PTPRC: variants seen among roughly 807,000 people sequenced by gnomAD.
PTPRC encodes the protein protein tyrosine phosphatase receptor type C.
A neutral mutation model predicts 155.9 loss-of-function variants in PTPRC; 44 were observed. The observed-to-expected ratio is 0.28, with a 90% CI of 0.22 to 0.36. PTPRC has a LOEUF of 0.36. Ranked by LOEUF, PTPRC falls within the 10% of genes least tolerant of loss-of-function variation. The pLI, the probability that PTPRC is intolerant of heterozygous loss-of-function variation, is 1.00. For missense variants in PTPRC, 1,401 were observed against 1,564.6 expected (o/e 0.90, Z 1.76); for synonymous variants, 525 against 533.1 (o/e 0.98, Z 0.21).
chr1:198,695,631 C>T (rs1666167512), intron 3 of PTPRC, among the ~76,000 whole-genome samples: 1 of 152,018 alleles, frequency 6.6e-6, no homozygotes, highest in Non-Finnish European at 1.5e-5. Context: ...ATTGTACACT[C>T]ATGTCAACTG....
At chr1:198,707,004 G>T (rs891704576) in intron 9 of PTPRC, 52 bp downstream of exon 9, 21 of 1,430,848 alleles carry the variant, frequency 1.5e-5, no homozygotes, top group Non-Finnish European at 1.9e-5. Flanking sequence ...GTACACTTTT[G>T]TGTGTGGTGT....
chr1:198,727,516 G>T (rs1654195314), intron 15 of PTPRC, among the ~76,000 whole-genome samples: 1 of 152,056 alleles, frequency 6.6e-6, no homozygotes, highest in South Asian at 2.1e-4. Flanking sequence ...CGTGCTACGT[G>T]TTTACTGTGA....
chr1:198,688,130 A>G (rs1322386364), intron 2 of PTPRC, among the ~76,000 whole-genome samples: 3 of 151,944 alleles, frequency 2.0e-5, no homozygotes, highest in Non-Finnish European at 2.9e-5. Flanking sequence ...TATTTGAAAT[A>G]GTATATAAAA....
At position 198,706,757 on chromosome 1, in the gene PTPRC, G is replaced by A. The variant is rs777341492; in HGVS notation, c.709G>A (p.Val237Met). 20 of 1,610,576 alleles carry A rather than the reference G, an allele frequency of 1.2e-5. No homozygotes were observed. ...TCDEKYANIT[V>M]DYLYNKETKL... ...AGATGAAAAATATGCAAACATCACT[G>A]TGGATTACTTATATAACAAGGAAAC... The change falls in exon 9 of 33, where the codon GTG becomes ATG. Residue 237 changes from valine (V) to methionine (M), a missense_variant. Val to Met is a conservative substitution (Grantham distance 21). Coordinates refer to ENST00000442510, the MANE Select transcript of PTPRC (RefSeq NM_002838.5).
intron 28 of PTPRC, among the ~76,000 whole-genome samples, chr1:198,750,202 C>G (rs1379745970): frequency 6.6e-6 from 1 of 151,860 alleles, no homozygotes; most frequent in Non-Finnish European, 1.5e-5. Context: ...TTTACAATCA[C>G]ATTAACCTTT....
intron 21 of PTPRC, 33 bp downstream of exon 21, chr1:198,734,265 A>G (rs764570390): frequency 6.2e-7 from 1 of 1,610,096 alleles, no homozygotes; most frequent in South Asian, 1.1e-5. Flanking sequence ...ATTCTTTTTG[A>G]AAAATTTTTA....
intron 17 of PTPRC, among the ~76,000 whole-genome samples, chr1:198,730,083 A>AT (rs1415729125): frequency 6.6e-6 from 1 of 152,072 alleles, no homozygotes; most frequent in African/African-American, 2.4e-5. Flanking sequence ...ATATTCTTTA[A>AT]TTTTTTAAAA....
chr1:198,719,938 T>C lies in PTPRC; in HGVS notation c.1659+1636T>C, dbSNP rs561867200. ...TATTCTTTATCACTTAAAGAAGTGT[T>C]TTCATATTTATAAACTTTTTGATTT... On this transcript the variant is annotated intron_variant, in intron 14 of 32. Transcript: ENST00000442510. 7.9e-5 allele frequency among the ~76,000 whole-genome samples: 12 copies of C among 152,252 alleles called. No individual in the cohort carries two copies. The South Asian group carries it at 1.9e-3, about 24-fold the overall frequency.
Position 198,703,333 on chromosome 1 carries a change from A to T in PTPRC, c.619A>T (p.Ser207Cys). The change falls in exon 7 of 33, where the codon AGC becomes TGC. Residue 207 changes from serine (S) to cysteine (C), a missense_variant. Physicochemically the swap from Ser to Cys is moderately radical, Grantham distance 112. This residue lies in a region of PTPRC where 867 missense variants were observed against 970.4 expected (regional missense o/e 0.89). Transcript: ENST00000442510. Reference protein sequence around the residue: ...YLNASETTTLSPSGSAVISTT... With the variant: ...YLNASETTTLCPSGSAVISTT... ...TAATGCCTCTGAAACAACCACTCTG[A>T]GCCCTTCTGGAAGCGCTGTCATTTC... The T allele has an allele frequency of 6.2e-7, 1 of 1,613,248 alleles. No homozygotes were observed. Among genetic ancestry groups the T allele is most frequent in the Non-Finnish European group, 8.5e-7 (1 of 1,180,014 alleles).
At chr1:198,666,342 CAT>C (rs1312617452) in intron 2 of PTPRC, among the ~76,000 whole-genome samples, 2 of 151,284 alleles carry the variant, frequency 1.3e-5, no homozygotes, top group East Asian at 3.9e-4. Flanking sequence ...TGTGTGGAAT[CAT>C]GTGTTTTTTC....
intron 18 of PTPRC, 73 bp downstream of exon 18, chr1:198,731,799 C>G (rs547592743): frequency 5.1e-6 from 6 of 1,184,494 alleles, no homozygotes; most frequent in African/African-American, 1.5e-5. Flanking sequence ...ATTTATATTG[C>G]CATTTGCCTT....
At chr1:198,667,902 T>C (rs1230168956) in intron 2 of PTPRC, among the ~76,000 whole-genome samples, 1 of 152,164 alleles carries the variant, frequency 6.6e-6, no homozygotes, top group Non-Finnish European at 1.5e-5. Context: ...AAGATTGAGA[T>C]AAAGATAAAA....
chr1:198,695,232 G>A (rs1365556287), intron 3 of PTPRC: 2 of 860,340 alleles, frequency 2.3e-6, no homozygotes, highest in Non-Finnish European at 2.8e-6. Flanking sequence ...ACTCTTTCCT[G>A]TCCTATCATT....
chr1:198,728,483 G>A lies in PTPRC; in HGVS notation c.1829+35G>A, dbSNP rs528782224. On this transcript the variant is annotated intron_variant, in intron 16 of 32. Transcript: ENST00000442510. ...GATTTTAAATTTTTAAATAATAATG[G>A]TATTAGTAATGGTGCAAACGCATAT... The A allele has an allele frequency of 2.3e-4, 366 of 1,604,610 alleles. 3 individuals are homozygous for A. The South Asian group carries it at 3.6e-3, about 16-fold the overall frequency.
intron 2 of PTPRC, among the ~76,000 whole-genome samples, chr1:198,658,347 T>C (rs1311905231): frequency 6.6e-6 from 1 of 152,158 alleles, no homozygotes; most frequent in East Asian, 1.9e-4. Context: ...AATCTGATAG[T>C]AAAAATGGCA....
chr1:198,647,746 A>G (rs1393015240), intron 2 of PTPRC, among the ~76,000 whole-genome samples: 1 of 151,864 alleles, frequency 6.6e-6, no homozygotes, highest in East Asian at 1.9e-4. Flanking sequence ...TTTGACTAGG[A>G]CAACTAGATC....
intron 2 of PTPRC, chr1:198,680,144 T>C: frequency 2.5e-6 from 1 of 407,946 alleles, no homozygotes; most frequent in Non-Finnish European, 4.4e-6. Flanking sequence ...AAGCCGGGGC[T>C]CATTTATAGG....
Position 198,756,528 on chromosome 1 carries a change from T to TTTG in PTPRC, c.*350_*352dup, listed in dbSNP as rs1491586158. The TTTG allele has an allele frequency of 4.9e-6, 1 of 203,276 alleles. No individual in the cohort carries two copies. Among genetic ancestry groups the TTTG allele is most frequent in the Non-Finnish European group, 1.0e-5 (1 of 99,846 alleles). 12.6% of individuals were successfully genotyped at this position (203,276 alleles called of 1,614,324 possible). On this transcript the variant is annotated 3_prime_UTR_variant, in exon 33 of 33. Coordinates refer to ENST00000442510, the MANE Select transcript of PTPRC (RefSeq NM_002838.5). ...TGAATCTAAAAGCTTTTGCTTTTCC[T>TTTG]TTGTTTTTATGAAGAAAAAATACAT...
At chr1:198,728,249 T>C (rs986075244) in intron 15 of PTPRC, 91 bp from the exon 16 acceptor site, 1 of 943,656 alleles carries the variant, frequency 1.1e-6, no homozygotes. Context: ...TTTAAAAATA[T>C]TAAAATATAA....
Sources: allele counts gnomAD v4.1 joint callset (sites outside exome capture counted in the v4.1 genomes callset), GRCh38; gene constraint gnomAD v4.1.1; regional missense constraint gnomAD v4.1.1; transcripts MANE v1.5; gene names NCBI Gene and HGNC (gene_info 2026-07-23, HGNC 2026-07-21).